ACTA2: variants seen among roughly 807,000 people sequenced by gnomAD.
The protein encoded by ACTA2 is actin, aortic smooth muscle.
In ACTA2, 12 loss-of-function variants were observed where a neutral mutation model predicts 39.5. The ratio of observed to expected loss-of-function variants is 0.30; its 90% confidence interval spans 0.19 to 0.49. ACTA2 has a LOEUF of 0.49. ACTA2 is among the 20% of genes least tolerant of loss of function. The pLI, the probability that ACTA2 is intolerant of heterozygous loss-of-function variation, is 0.99. For synonymous variants in ACTA2, 158 were observed against 180.6 expected, an observed-to-expected ratio of 0.88 and a Z score of 1.00; for missense variants, 236 against 498.8, an observed-to-expected ratio of 0.47 and a Z score of 5.02.
In ACTA2 at chr10:88,938,072, T is replaced by A; in HGVS notation, c.979A>T (p.Met327Leu). The A allele has an allele frequency of 6.2e-7, 1 of 1,613,968 alleles. No homozygotes were observed. The highest frequency in any genetic ancestry group is 2.2e-5 in the East Asian group (1 of 44,834). The change falls in exon 8 of 9, where the codon ATG becomes TTG. Residue 327 changes from methionine to leucine, a missense_variant. By Grantham distance (15) the Met-to-Leu change is conservative (BLOSUM62 2). Coordinates refer to ENST00000224784, the MANE Select transcript of ACTA2 (RefSeq NM_001613.4). The part of the protein sequence containing the change: ...KEITALAPST[M>L]KIKIIAPPER... ...TCACTGAACAGTACCTTGATCTTCA[T>A]GGTGCTGGGTGCTAGGGCCGTGATC...
chr10:88,948,351 A>G (rs1845990665), intron 2 of ACTA2: 2 of 173,988 alleles, frequency 1.1e-5, no homozygotes, highest in South Asian at 2.5e-4. Flanking sequence ...CGGCTGTCCA[A>G]ATATATTTTG....
intron 1 of ACTA2, among the ~76,000 whole-genome samples, chr10:88,952,039 G>C (rs1392186227): frequency 3.3e-5 from 5 of 152,190 alleles, no homozygotes; most frequent in African/African-American, 1.2e-4. Context: ...TCAGATGCAG[G>C]CTCTGCTCCC....
intron 2 of ACTA2, chr10:88,948,495 A>T (rs1039977404): frequency 1.1e-5 from 4 of 369,296 alleles, no homozygotes; most frequent in African/African-American, 6.3e-5. Context: ...ATACATCAGG[A>T]TAATGTATAA....
chr10:88,989,834 T>C (rs1400780556), intron 1 of ACTA2, among the ~76,000 whole-genome samples: 1 of 152,216 alleles, frequency 6.6e-6, no homozygotes, highest in East Asian at 1.9e-4. Context: ...AAACCTTTAG[T>C]GTGTCCAGTC....
At chr10:88,987,961 G>A (rs75037807) in intron 1 of ACTA2, among the ~76,000 whole-genome samples, 1 of 151,880 alleles carries the variant, frequency 6.6e-6, no homozygotes, top group Non-Finnish European at 1.5e-5. Flanking sequence ...AAAAAAAAAA[G>A]ACTGACTTCC....
intron 1 of ACTA2, among the ~76,000 whole-genome samples, chr10:88,962,769 GGTAAC>G (rs1249164407): frequency 9.9e-5 from 15 of 151,432 alleles, no homozygotes; most frequent in Non-Finnish European, 1.0e-4. Flanking sequence ...CCTGAGACTG[GGTAAC>G]TTATAAAGGA....
At chr10:88,946,719 A>C (rs1387501971) in intron 3 of ACTA2, 1 of 151,508 alleles carries the variant, frequency 6.6e-6, no homozygotes, top group Non-Finnish European at 1.5e-5. Context: ...GAAACATTTT[A>C]GGATTTTTTT....
intron 1 of ACTA2, among the ~76,000 whole-genome samples, chr10:88,949,312 A>G (rs759939708): frequency 2.6e-5 from 4 of 152,216 alleles, no homozygotes; most frequent in Non-Finnish European, 4.4e-5. Flanking sequence ...CTTTGCAGAG[A>G]CAAGTTGCCT....
chr10:88,981,179 G>A (rs893670688), intron 1 of ACTA2, among the ~76,000 whole-genome samples: 3 of 152,188 alleles, frequency 2.0e-5, no homozygotes, highest in South Asian at 2.1e-4. Context: ...GTCCTAACTC[G>A]AGCTCTGCCA....
chr10:88,969,786 T>C (rs1846391733), intron 1 of ACTA2, among the ~76,000 whole-genome samples: 1 of 152,208 alleles, frequency 6.6e-6, no homozygotes, highest in African/African-American at 2.4e-5. Flanking sequence ...CGTATACATC[T>C]TCCTCACCAG....
chr10:88,972,593 T>G (rs1713236217), intron 1 of ACTA2, among the ~76,000 whole-genome samples: 1 of 152,322 alleles, frequency 6.6e-6, no homozygotes, highest in Admixed American at 6.5e-5. Flanking sequence ...ATTAGCTTTT[T>G]AACTATATCT....
In ACTA2 at chr10:88,985,284, T is replaced by C. The variant is rs538240660; in HGVS notation, c.-24+5655A>G. On this transcript the variant is annotated intron_variant, in intron 1 of 4. Coordinates refer to the ACTA2 transcript ENST00000415557. ...TTATATCTAGGGACTCTGTCCTTCA[T>C]AGGACAAGTTGCTAATTTGGGGGTG... 9.2e-5 allele frequency among the ~76,000 whole-genome samples: 14 copies of C among 152,320 alleles called. 1 individual carries two copies. The South Asian group carries it at 2.1e-3, about 23-fold the overall frequency.
At chr10:88,942,818 T>C (rs1259050086) in intron 4 of ACTA2, among the ~76,000 whole-genome samples, 1 of 152,094 alleles carries the variant, frequency 6.6e-6, no homozygotes, top group Non-Finnish European at 1.5e-5. Context: ...CGACGTGCAG[T>C]GATTCCCAGG....
chr10:88,964,781 C>T (rs1846291870), intron 1 of ACTA2, among the ~76,000 whole-genome samples: 2 of 152,096 alleles, frequency 1.3e-5, no homozygotes, highest in South Asian at 2.1e-4. Flanking sequence ...GGTCTCCTTC[C>T]CTGTTTGCAG....
intron 1 of ACTA2, among the ~76,000 whole-genome samples, chr10:88,962,976 T>TAA (rs1274253085): frequency 8.5e-5 from 7 of 81,916 alleles, no homozygotes; most frequent in Middle Eastern, 6.0e-3. Flanking sequence ...TATATATATA[T>TAA]AATATTTTTT....
At chr10:88,953,791 A>G (rs1012274005), upstream of ACTA2, among the ~76,000 whole-genome samples, 3 of 152,112 alleles carry the variant, frequency 2.0e-5, no homozygotes, top group Non-Finnish European at 2.9e-5. Context: ...ATGGTTTTAT[A>G]AGGCAGTTTT....
At chr10:88,963,611 CT>C (rs1564653809) in intron 1 of ACTA2, among the ~76,000 whole-genome samples, 1 of 152,138 alleles carries the variant, frequency 6.6e-6, no homozygotes, top group Non-Finnish European at 1.5e-5. Flanking sequence ...ATAGCAAATA[CT>C]TTTGGATCAC....
At chr10:88,967,092 C>T (rs1383628345) in intron 1 of ACTA2, among the ~76,000 whole-genome samples, 1 of 152,168 alleles carries the variant, frequency 6.6e-6, no homozygotes, top group Non-Finnish European at 1.5e-5. Context: ...CAGGAAGAGA[C>T]CCTCGAGATA....
intron 8 of ACTA2, 28 bp from the exon 9 acceptor site, chr10:88,935,394 C>A (rs1237409489): frequency 3.7e-6 from 6 of 1,612,604 alleles, no homozygotes; most frequent in African/African-American, 1.3e-5. Flanking sequence ...AAAGAATGGT[C>A]ATTAATGTCA....
Sources: allele counts gnomAD v4.1 joint callset (sites outside exome capture counted in the v4.1 genomes callset), GRCh38; gene constraint gnomAD v4.1.1; transcripts MANE v1.5; gene names NCBI Gene and HGNC (gene_info 2026-07-23, HGNC 2026-07-21).